APBB2: variants seen among roughly 807,000 people sequenced by gnomAD.
APBB2 encodes Fe65-like 1.
APBB2 carries 38 observed loss-of-function variants against 82.5 expected under a neutral mutation model. The observed-to-expected ratio is 0.46, with a 90% confidence interval of 0.36 to 0.60. The LOEUF is 0.60. APBB2 is among the 20% of genes least tolerant of loss of function. The pLI, the probability that APBB2 is intolerant of heterozygous loss-of-function variation, is 0.00. For synonymous variants in APBB2, 341 were observed against 368.2 expected (o/e 0.93, Z 0.85); for missense variants, 772 against 972.3 (o/e 0.79, Z 2.74).
intron 3 of APBB2, among the ~76,000 whole-genome samples, chr4:41,099,789 T>G (rs1744746113): frequency 6.6e-6 from 1 of 152,214 alleles, no homozygotes; most frequent in African/African-American, 2.4e-5. Flanking sequence ...GAAAGCTATC[T>G]AGTAATTTAA....
intron 3 of APBB2, among the ~76,000 whole-genome samples, chr4:41,084,934 A>T (rs2153941331): frequency 6.6e-6 from 1 of 152,260 alleles, no homozygotes; most frequent in African/African-American, 2.4e-5. Context: ...GATTTGTTTG[A>T]GTGGCATTTC....
At chr4:40,983,251 G>A (rs1340076009) in intron 6 of APBB2, among the ~76,000 whole-genome samples, 1 of 152,114 alleles carries the variant, frequency 6.6e-6, no homozygotes, top group Non-Finnish European at 1.5e-5. Context: ...CTTGCTCCAC[G>A]GCCTGTGCTC....
chr4:41,000,446 G>A (rs1281259718), intron 6 of APBB2, among the ~76,000 whole-genome samples: 1 of 152,082 alleles, frequency 6.6e-6, no homozygotes, highest in East Asian at 1.9e-4. Context: ...TTATAAAGCA[G>A]ATTACTACTA....
intron 12 of APBB2, among the ~76,000 whole-genome samples, chr4:40,874,902 A>G (rs1025781909): frequency 1.3e-5 from 2 of 152,250 alleles, no homozygotes; most frequent in African/African-American, 4.8e-5. Flanking sequence ...TATTATTCAA[A>G]CTATGACCAA....
At position 40,829,694 on chromosome 4, in the gene APBB2, G is replaced by A. The variant is rs552024027; in HGVS notation, c.1644+769C>T. Among the ~76,000 whole-genome samples the A allele has an allele frequency of 6.2e-4, 94 of 152,208 alleles. 1 individual carries two copies. Among genetic ancestry groups the A allele is most frequent in the Non-Finnish European group, 6.0e-4 (41 of 68,002 alleles). ...GAGTCCATGGGTGTGTAGGGCAGAG[G>A]GTGGGGGGATGTCTGCAAGGGGGCT... On this transcript the variant is annotated intron_variant, in intron 13 of 17. Coordinates refer to ENST00000508593, the MANE Select transcript of APBB2 (RefSeq NM_004307.2).
chr4:40,816,761 C>G (rs1745822768), intron 17 of APBB2, among the ~76,000 whole-genome samples: 1 of 152,192 alleles, frequency 6.6e-6, no homozygotes, highest in African/African-American at 2.4e-5. Flanking sequence ...GGACTATTTA[C>G]AGAGGGTGTT....
chr4:41,013,483 G>A, intron 6 of APBB2, 100 bp downstream of exon 6: 2 of 1,146,964 alleles, frequency 1.7e-6, no homozygotes, highest in Non-Finnish European at 2.5e-6. Context: ...GTTCCTCTCT[G>A]CATAATGGAC....
chr4:41,052,161 A>T (rs1726193932), intron 4 of APBB2, among the ~76,000 whole-genome samples: 2 of 152,134 alleles, frequency 1.3e-5, no homozygotes, highest in Admixed American at 6.5e-5. Context: ...GGAGGACAGG[A>T]GTTGGAGATC....
intron 4 of APBB2, among the ~76,000 whole-genome samples, chr4:41,054,017 A>G (rs1453673312): frequency 1.3e-5 from 2 of 152,250 alleles, no homozygotes; most frequent in African/African-American, 4.8e-5. Context: ...AGTAACAGAA[A>G]ACCTACCTAA....
intron 2 of APBB2, among the ~76,000 whole-genome samples, chr4:41,106,904 G>A (rs894455488): frequency 1.3e-5 from 2 of 152,088 alleles, no homozygotes; most frequent in African/African-American, 2.4e-5. Flanking sequence ...ATCTTACTGT[G>A]CCAAAAAGCA....
intron 2 of APBB2, among the ~76,000 whole-genome samples, chr4:41,123,325 A>C (rs1753440403): frequency 6.6e-6 from 1 of 152,170 alleles, no homozygotes; most frequent in African/African-American, 2.4e-5. Context: ...AGGGAAAAGA[A>C]AGAACAGCTG....
rs1370845870 is a variant in APBB2, at chr4:40,812,376, T to C, written c.*3716A>G. The stretch of plus-strand genomic sequence containing the variant: ...AAAAGTGGTCAACAGGAAAAGGGCA[T>C]AAAGGAAAACAAAGCGTTCTTTCAG... On this transcript the variant is annotated 3_prime_UTR_variant, in exon 18 of 18. Transcript: ENST00000508593. The C allele has an allele frequency of 6.6e-6, 1 of 152,192 alleles. No individual in the cohort carries two copies. Among genetic ancestry groups the C allele is most frequent in the East Asian group, 1.9e-4 (1 of 5,190 alleles). 9.4% of individuals were successfully genotyped at this position (152,192 alleles called of 1,614,324 possible). A position where few individuals can be genotyped will look rare whatever the true frequency, so the allele number is the denominator to read the frequency against.
intron 10 of APBB2, among the ~76,000 whole-genome samples, chr4:40,930,297 A>G (rs144293920): frequency 0.017 from 2,557 of 152,262 alleles, 64 homozygotes; most frequent in African/African-American, 0.058. Flanking sequence ...GTTAAACAGG[A>G]GACTCAGAAT....
chr4:40,873,114 G>A (rs992920639), intron 12 of APBB2, among the ~76,000 whole-genome samples: 10 of 149,882 alleles, frequency 6.7e-5, no homozygotes, highest in African/African-American at 2.0e-4. Flanking sequence ...AGATGGTACC[G>A]TATATGGATG....
chr4:40,859,833 G>A lies in APBB2; in HGVS notation c.1530-29256C>T, dbSNP rs534321770. The stretch of plus-strand genomic sequence containing the variant: ...TTTCTTCTTCCAGTTCCTGGAACAC[G>A]CCCAGCTACTTCCCACCTCAGAGCC... On this transcript the variant is annotated intron_variant, in intron 12 of 17. Transcript: ENST00000508593. Among the ~76,000 whole-genome samples the A allele has an allele frequency of 3.3e-5, 5 of 152,038 alleles. No homozygotes were observed. The South Asian group carries it at 6.2e-4, about 19-fold the overall frequency.
chr4:40,927,161 A>C (rs1782824704), intron 10 of APBB2, among the ~76,000 whole-genome samples: 1 of 152,248 alleles, frequency 6.6e-6, no homozygotes, highest in African/African-American at 2.4e-5. Context: ...TGAAACCCAG[A>C]AAATTTAATC....
intron 5 of APBB2, among the ~76,000 whole-genome samples, chr4:41,020,969 A>G (rs975672589): frequency 3.9e-5 from 6 of 152,188 alleles, no homozygotes; most frequent in Non-Finnish European, 5.9e-5. Context: ...AAATCAGACA[A>G]CGCCTTTCAA....
intron 4 of APBB2, among the ~76,000 whole-genome samples, chr4:41,061,266 T>C (rs112069577): frequency 7.2e-5 from 11 of 152,220 alleles, no homozygotes; most frequent in African/African-American, 2.7e-4. Flanking sequence ...TGGAATATAG[T>C]CATGTGTTGC....
chr4:40,864,649 A>C (rs1763609799), intron 12 of APBB2, among the ~76,000 whole-genome samples: 2 of 152,146 alleles, frequency 1.3e-5, no homozygotes, highest in Non-Finnish European at 2.9e-5. Context: ...TGCAATATTC[A>C]GCAGAAAAAA....
Sources: allele counts gnomAD v4.1 joint callset (sites outside exome capture counted in the v4.1 genomes callset), GRCh38; gene constraint gnomAD v4.1.1; transcripts MANE v1.5; gene names NCBI Gene and HGNC (gene_info 2026-07-23, HGNC 2026-07-21).